FAM76B: variants seen among roughly 807,000 people sequenced by gnomAD.
FAM76B encodes protein FAM76B.
Under a neutral mutation model 51.8 loss-of-function variants are expected in FAM76B, and 16 were observed. That is an observed-to-expected ratio of 0.31 (90% CI 0.21 to 0.47). The LOEUF is 0.47. FAM76B is among the 20% of genes least tolerant of loss of function. The probability of loss-of-function intolerance (pLI) is 1.00; values close to 1 mark genes in which losing one functional copy is unlikely to be tolerated. For synonymous variants in FAM76B, 166 were observed against 129.5 expected (o/e 1.28, Z -1.91); for missense variants, 342 against 392.6 (o/e 0.87, Z 1.09).
intron 8 of FAM76B, 91 bp downstream of exon 8, chr11:95,778,730 CA>C: frequency 7.0e-7 from 1 of 1,420,850 alleles, no homozygotes; most frequent in South Asian, 1.6e-5. Context: ...CAAACATTAC[CA>C]AATTATTAAA....
intron 4 of FAM76B, among the ~76,000 whole-genome samples, chr11:95,783,966 C>A (rs1860416212): frequency 6.6e-6 from 1 of 152,102 alleles, no homozygotes; most frequent in Non-Finnish European, 1.5e-5. Flanking sequence ...AAGAGTACTG[C>A]CAAAGTGCTG....
chr11:95,778,279 T>C (rs1396389652), intron 8 of FAM76B, among the ~76,000 whole-genome samples: 7 of 151,468 alleles, frequency 4.6e-5, no homozygotes, highest in African/African-American at 1.7e-4. Context: ...CATTTTAATA[T>C]TCCTCTTCAT....
chr11:95,789,332 C>A, intron 1 of FAM76B, 60 bp downstream of exon 1: 1 of 1,520,338 alleles, frequency 6.6e-7, no homozygotes, highest in African/African-American at 1.4e-5. Flanking sequence ...AGCGGCTACC[C>A]GGCCCCCTCC....
Position 95,789,487 on chromosome 11 carries a change from T to A in FAM76B, c.-9A>T. On this transcript the variant is annotated 5_prime_UTR_variant, in exon 1 of 10. Transcript: ENST00000358780. ...AGGGCCGAGGCCGCCATCCTGCTCC[T>A]CAGTCTCCTCCTCCGCCGCCGCCCG... 3.1e-6 allele frequency: 5 copies of A among 1,596,888 alleles called. No individual in the cohort carries two copies. In the African/African-American group the frequency reaches 4.0e-5, roughly 13 times the overall value.
chr11:95,771,691 ATAT>A, intron 9 of FAM76B, 41 bp from the exon 10 acceptor site: 1 of 1,494,336 alleles, frequency 6.7e-7, no homozygotes, highest in Non-Finnish European at 9.3e-7. Context: ...AATGTTTGAA[ATAT>A]TATTAAGTCA....
chr11:95,788,341 T>G (rs1451482673), intron 2 of FAM76B, among the ~76,000 whole-genome samples, 158 bp downstream of exon 2: 1 of 152,178 alleles, frequency 6.6e-6, no homozygotes, highest in Non-Finnish European at 1.5e-5. Context: ...TTCGCAACAT[T>G]CTCTCTCCCA....
intron 8 of FAM76B, among the ~76,000 whole-genome samples, chr11:95,777,638 C>T (rs1455286445): frequency 6.6e-6 from 1 of 151,312 alleles, no homozygotes; most frequent in Non-Finnish European, 1.5e-5. Flanking sequence ...CGTAACTATC[C>T]TATTTTATAT....
intron 2 of FAM76B, 103 bp downstream of exon 2, chr11:95,788,396 A>AT: frequency 1.0e-6 from 1 of 995,418 alleles, no homozygotes; most frequent in Non-Finnish European, 1.5e-6. Context: ...GGGCTAAACC[A>AT]TTTTTTAAAA....
At position 95,789,753 on chromosome 11, in the gene FAM76B, G is replaced by C. The variant is rs891949191; in HGVS notation, c.-275C>G. The C allele has an allele frequency of 2.3e-6, 1 of 442,286 alleles. No individual in the cohort carries two copies. Among genetic ancestry groups the C allele is most frequent in the East Asian group, 4.1e-5 (1 of 24,650 alleles). The allele number at this position is 442,286 out of a possible 1,614,324, so 27.4% of individuals were successfully genotyped here. On this transcript the variant is annotated 5_prime_UTR_variant, in exon 1 of 10. Transcript: ENST00000358780. ...CGGAGGGAGACGAAGCGGGTAGGGG[G>C]TTGCTGTTTAGCTGTGCGGCCGTGG...
intron 1 of FAM76B, chr11:95,789,015 G>A: frequency 1.5e-6 from 2 of 1,357,686 alleles, no homozygotes; most frequent in South Asian, 1.2e-5. Context: ...TGCAAAAACC[G>A]TCCCCTGCCT....
At chr11:95,783,589 T>A (rs1044788712) in intron 4 of FAM76B, among the ~76,000 whole-genome samples, 5 of 152,218 alleles carry the variant, frequency 3.3e-5, no homozygotes, top group African/African-American at 4.8e-5. Flanking sequence ...CCAAGAAATA[T>A]AGCCTGAATT....
At chr11:95,780,369 A>T (rs1860202294) in intron 5 of FAM76B, among the ~76,000 whole-genome samples, 1 of 151,946 alleles carries the variant, frequency 6.6e-6, no homozygotes, top group Non-Finnish European at 1.5e-5. Context: ...ATTTCAATTT[A>T]AATGGGGAAA....
At chr11:95,782,266 C>T (rs1260579559) in intron 5 of FAM76B, among the ~76,000 whole-genome samples, 1 of 152,098 alleles carries the variant, frequency 6.6e-6, no homozygotes, top group Admixed American at 6.5e-5. Flanking sequence ...GTACAGCTGA[C>T]CCTTGAACAA....
rs1447866445 is a variant in FAM76B at position 95,770,625 on chromosome 11, TAATTA to T, written c.*931_*935del. On this transcript the variant is annotated 3_prime_UTR_variant, in exon 10 of 10. Transcript: ENST00000358780. ...AAATCTTTGGGGAACTATTTTGACATAATTAAATGAATTCAAAGACCAACAGCTTC... is the reference window on the plus strand; with the variant it reads ...AAATCTTTGGGGAACTATTTTGACATAATGAATTCAAAGACCAACAGCTTC... 2 of 151,804 alleles carry T rather than the reference TAATTA, an allele frequency of 1.3e-5. No individual in the cohort carries two copies. The highest frequency in any genetic ancestry group is 1.3e-4 in the Admixed American group (2 of 15,158). The allele number at this position is 151,804 out of a possible 1,614,324, so 9.4% of individuals were successfully genotyped here.
In FAM76B at chr11:95,770,949, C is replaced by A. The variant is rs1024789596; in HGVS notation, c.*612G>T. 3 of 151,558 alleles carry A rather than the reference C, an allele frequency of 2.0e-5. No individual in the cohort carries two copies. Among genetic ancestry groups the A allele is most frequent in the South Asian group, 2.1e-4 (1 of 4,832 alleles). 9.4% of individuals were successfully genotyped at this position (151,558 alleles called of 1,614,324 possible). A position where few individuals can be genotyped will look rare whatever the true frequency, so the allele number is the denominator to read the frequency against. On this transcript the variant is annotated 3_prime_UTR_variant, in exon 10 of 10. Coordinates refer to ENST00000358780, the MANE Select transcript of FAM76B (RefSeq NM_144664.5). ...AACACATTTTACCTTAGATACTGTA[C>A]AATAAACATTAATTCCTATACCAAT... is the stretch of plus-strand genomic sequence containing the variant.
chr11:95,784,609 T>G (rs1860458939), intron 4 of FAM76B, among the ~76,000 whole-genome samples: 4 of 151,306 alleles, frequency 2.6e-5, no homozygotes, highest in Admixed American at 2.6e-4. Flanking sequence ...TTTTTTTTTT[T>G]GAGACGGAGT....
rs754170591 is a variant in FAM76B, at chr11:95,783,180, C to A, written c.448G>T (p.Gly150Ter). Residue 150 changes from glycine (G) to a stop codon, truncating the protein, a stop_gained, in exon 5 of 10, where the codon GGA (glycine) becomes TGA (stop). Transcript: ENST00000358780. LOFTEE classifies it high-confidence loss of function. ...QKTKEQRKSLGSSHSNSSSSS... is the reference protein window; with the variant it reads ...QKTKEQRKSL ...GAAGATGAATTTGAATGTGAAGATC[C>A]CAGGCTCTTCCTTTGTTCTTTCGTC... The A allele has an allele frequency of 6.2e-7, 1 of 1,613,778 alleles. No individual in the cohort carries two copies. Among genetic ancestry groups the A allele is most frequent in the Non-Finnish European group, 8.5e-7 (1 of 1,179,898 alleles).
At chr11:95,773,241 T>C (rs1361526300) in intron 9 of FAM76B, among the ~76,000 whole-genome samples, 2 of 151,076 alleles carry the variant, frequency 1.3e-5, no homozygotes, top group African/African-American at 4.8e-5. Flanking sequence ...TGGTAGCTAA[T>C]TTCCAATTTG....
At chr11:95,785,990 T>C (rs1057275414) in intron 4 of FAM76B, 129 bp downstream of exon 4, 3 of 1,116,446 alleles carry the variant, frequency 2.7e-6, no homozygotes, top group Non-Finnish European at 2.5e-6. Flanking sequence ...TCCTGCACTT[T>C]CATCTAACTA....
Sources: allele counts gnomAD v4.1 joint callset (sites outside exome capture counted in the v4.1 genomes callset), GRCh38; gene constraint gnomAD v4.1.1; transcripts MANE v1.5; gene names NCBI Gene and HGNC (gene_info 2026-07-23, HGNC 2026-07-21).